The following DNER variants were observed in gnomAD, a reference collection of about 807,000 sequenced individuals.
DNER encodes delta/notch like EGF repeat containing.
Under a neutral mutation model 78.2 loss-of-function variants are expected in DNER, and 33 were observed. The observed-to-expected ratio is 0.42, with a 90% CI of 0.32 to 0.56. The LOEUF is 0.56. Among genes scored for constraint, DNER ranks in the 20% least tolerant of loss-of-function variants. The pLI is 0.11. For missense variants in DNER, 918 were observed against 975.3 expected, an observed-to-expected ratio of 0.94 and a Z score of 0.78; for synonymous variants, 417 against 384.8, an observed-to-expected ratio of 1.08 and a Z score of -0.98.
intron 1 of DNER, among the ~76,000 whole-genome samples, chr2:229,654,807 C>G (rs1020808810): frequency 2.0e-5 from 3 of 152,110 alleles, no homozygotes; most frequent in Non-Finnish European, 2.9e-5. Flanking sequence ...AAATTCAGCC[C>G]ATACACTTTT....
intron 8 of DNER, among the ~76,000 whole-genome samples, chr2:229,428,487 C>G (rs1693931319): frequency 6.6e-6 from 1 of 151,962 alleles, no homozygotes; most frequent in Admixed American, 6.6e-5. Context: ...CAGGAATTGA[C>G]ATTTATTGAG....
At chr2:229,397,608 A>C (rs1693177351) in intron 10 of DNER, among the ~76,000 whole-genome samples, 1 of 152,170 alleles carries the variant, frequency 6.6e-6, no homozygotes, top group Non-Finnish European at 1.5e-5. Context: ...AACATATACC[A>C]ATATAAACCA....
chr2:229,560,565 A>G (rs980546084), intron 4 of DNER, among the ~76,000 whole-genome samples: 2 of 152,138 alleles, frequency 1.3e-5, no homozygotes, highest in African/African-American at 4.8e-5. Context: ...GGGGTGAAAC[A>G]GCACACCTGT....
intron 1 of DNER, among the ~76,000 whole-genome samples, chr2:229,651,887 T>G (rs1698825623): frequency 6.6e-6 from 1 of 152,164 alleles, no homozygotes; most frequent in Non-Finnish European, 1.5e-5. Flanking sequence ...CTTTTAAGAT[T>G]CAGTAGCATA....
At chr2:229,462,996 T>C (rs1324229479) in intron 7 of DNER, among the ~76,000 whole-genome samples, 2 of 152,148 alleles carry the variant, frequency 1.3e-5, no homozygotes, top group Non-Finnish European at 2.9e-5. Flanking sequence ...GATCGCCTCA[T>C]CCTAGGTACA....
intron 9 of DNER, among the ~76,000 whole-genome samples, chr2:229,417,441 T>C (rs1413149822): frequency 6.6e-6 from 1 of 152,176 alleles, no homozygotes; most frequent in African/African-American, 2.4e-5. Flanking sequence ...AACAGGGCCG[T>C]CTGAGGATAT....
At chr2:229,628,925 T>A (rs1231065217) in intron 1 of DNER, among the ~76,000 whole-genome samples, 1 of 152,078 alleles carries the variant, frequency 6.6e-6, no homozygotes, top group African/African-American at 2.4e-5. Flanking sequence ...CCTAACATAT[T>A]TTCACCCTAA....
intron 10 of DNER, among the ~76,000 whole-genome samples, chr2:229,388,633 A>G (rs1193790439): frequency 9.0e-6 from 1 of 110,890 alleles, no homozygotes; most frequent in Admixed American, 8.5e-5. Context: ...ATATATATAT[A>G]TATATATATA....
intron 10 of DNER, among the ~76,000 whole-genome samples, chr2:229,398,647 A>G (rs1425117058): frequency 6.6e-6 from 1 of 152,122 alleles, no homozygotes; most frequent in Non-Finnish European, 1.5e-5. Context: ...TAAAACAACA[A>G]CTTGAGAAAC....
intron 1 of DNER, among the ~76,000 whole-genome samples, chr2:229,645,514 G>A (rs6713110): frequency 0.26 from 39,872 of 152,066 alleles, 7,150 homozygotes; most frequent in African/African-American, 0.52. Context: ...TGAGTTGCAC[G>A]TTCTTTTAGC....
At chr2:229,516,934 C>T (rs1344764044) in intron 5 of DNER, among the ~76,000 whole-genome samples, 11 of 149,166 alleles carry the variant, frequency 7.4e-5, no homozygotes, top group Non-Finnish European at 1.2e-4. Flanking sequence ...GGTGAAACCC[C>T]GTCTCTACTA....
intron 2 of DNER, among the ~76,000 whole-genome samples, chr2:229,589,218 C>T (rs1697556951): frequency 6.6e-6 from 1 of 152,116 alleles, no homozygotes; most frequent in Non-Finnish European, 1.5e-5. Context: ...TGTCCTCCCC[C>T]ATGTCAATGA....
intron 4 of DNER, among the ~76,000 whole-genome samples, chr2:229,583,023 AG>A (rs1381432506): frequency 6.6e-6 from 1 of 152,236 alleles, no homozygotes; most frequent in African/African-American, 2.4e-5. Context: ...ATTTTTGATT[AG>A]CAAAATGAGC....
chr2:229,561,682 A>G lies in DNER; in HGVS notation c.848-14590T>C, dbSNP rs182171956. 1.8e-3 allele frequency among the ~76,000 whole-genome samples: 279 copies of G among 152,206 alleles called. 2 individuals are homozygous for G. Among genetic ancestry groups the G allele is most frequent in the Non-Finnish European group, 2.4e-3 (165 of 67,998 alleles). The stretch of plus-strand genomic sequence containing the variant: ...TCTGTTTAATATTTTTTCAAGATTC[A>G]CCCTACCACACTCCTCTCTCCATTA... On this transcript the variant is annotated intron_variant, in intron 4 of 12. Transcript: ENST00000341772.
chr2:229,656,383 G>C (rs943687093), intron 1 of DNER, among the ~76,000 whole-genome samples: 3 of 152,156 alleles, frequency 2.0e-5, no homozygotes, highest in Non-Finnish European at 2.9e-5. Context: ...GCAAAAAACA[G>C]TCCCTACCTC....
At chr2:229,493,352 C>A (rs193041573) in intron 6 of DNER, among the ~76,000 whole-genome samples, 1 of 152,194 alleles carries the variant, frequency 6.6e-6, no homozygotes, top group East Asian at 1.9e-4. Context: ...GAAATAGCTC[C>A]TTTGAGGAAG....
chr2:229,677,784 C>T (rs1183647556), intron 1 of DNER, among the ~76,000 whole-genome samples: 1 of 152,130 alleles, frequency 6.6e-6, no homozygotes, highest in Non-Finnish European at 1.5e-5. Context: ...TTCATCTTAT[C>T]AATATGTTTA....
chr2:229,443,124 G>A (rs926684180), intron 8 of DNER, among the ~76,000 whole-genome samples: 5 of 152,046 alleles, frequency 3.3e-5, no homozygotes, highest in South Asian at 4.2e-4. Context: ...ATATTTCCAC[G>A]TAAAAATCTC....
At chr2:229,561,680 T>A (rs1038984364) in intron 4 of DNER, among the ~76,000 whole-genome samples, 1 of 152,184 alleles carries the variant, frequency 6.6e-6, no homozygotes, top group African/African-American at 2.4e-5. Context: ...TTTTCAAGAT[T>A]CACCCTACCA....
Sources: gnomAD v4.1 joint callset for allele counts (sites outside exome capture counted in the v4.1 genomes callset) on GRCh38, gnomAD v4.1.1 for gene constraint, MANE v1.5 for transcripts, NCBI Gene and HGNC (gene_info 2026-07-23, HGNC 2026-07-21) for gene names.